CEP112: variants seen among roughly 807,000 people sequenced by gnomAD.
The protein encoded by CEP112 is centrosomal protein of 112 kDa.
CEP112 carries 127 observed loss-of-function variants against 153.0 expected under a neutral mutation model. The ratio of observed to expected loss-of-function variants is 0.83; its 90% CI spans 0.72 to 0.96. The LOEUF (loss-of-function observed/expected upper bound fraction) is 0.96, where lower values mean the gene tolerates loss of function less well. Among genes scored for constraint, CEP112 ranks in the 40% least tolerant of loss-of-function variants. The pLI is 0.00. For synonymous variants in CEP112, 358 were observed against 374.4 expected (o/e 0.96, Z 0.51); for missense variants, 1,089 against 1,101.2 (o/e 0.99, Z 0.16).
intron 12 of CEP112, among the ~76,000 whole-genome samples, chr17:66,047,463 C>T (rs2056235): frequency 1 from 152,338 of 152,388 alleles, 76,144 homozygotes; most frequent in Non-Finnish European, 1. Flanking sequence ...TGTAGAAGAA[C>T]GGACATTCAC....
At chr17:65,680,123 C>G (rs232106) in intron 24 of CEP112, among the ~76,000 whole-genome samples, 71,803 of 151,844 alleles carry the variant, frequency 0.47, 17,260 homozygotes, top group Middle Eastern at 0.56. Flanking sequence ...AAGGTGGGTG[C>G]CACGGGCAGG....
At chr17:65,866,416 T>TG (rs2058488156) in intron 20 of CEP112, among the ~76,000 whole-genome samples, 1 of 152,222 alleles carries the variant, frequency 6.6e-6, no homozygotes, top group South Asian at 2.1e-4. Flanking sequence ...ACAAACAGCC[T>TG]GGGCAACATG....
intron 6 of CEP112, among the ~76,000 whole-genome samples, chr17:66,120,294 G>C (rs1396191367): frequency 6.6e-6 from 1 of 152,044 alleles, no homozygotes; most frequent in Non-Finnish European, 1.5e-5. Flanking sequence ...TCCACCTCCT[G>C]GGTTCAAGCA....
chr17:65,820,189 C>T (rs1255559393), intron 21 of CEP112, among the ~76,000 whole-genome samples: 2 of 152,012 alleles, frequency 1.3e-5, no homozygotes, highest in African/African-American at 4.8e-5. Context: ...CCGATTTTTC[C>T]TAAGCTCATA....
chr17:66,123,893 T>C (rs2069717718), intron 6 of CEP112, among the ~76,000 whole-genome samples: 1 of 152,204 alleles, frequency 6.6e-6, no homozygotes, highest in Admixed American at 6.5e-5. Context: ...GAAAAATTAT[T>C]ATCTTAATCA....
chr17:65,894,578 T>A (rs1174413211), intron 20 of CEP112, among the ~76,000 whole-genome samples: 1 of 152,090 alleles, frequency 6.6e-6, no homozygotes, highest in Non-Finnish European at 1.5e-5. Flanking sequence ...TATGTAATAT[T>A]CCAAATTAGT....
intron 6 of CEP112, among the ~76,000 whole-genome samples, chr17:66,117,428 A>G (rs2069353231): frequency 6.6e-6 from 1 of 152,228 alleles, no homozygotes; most frequent in Admixed American, 6.5e-5. Context: ...AAAAAAAATA[A>G]AATGTTGCTC....
intron 23 of CEP112, among the ~76,000 whole-genome samples, chr17:65,738,177 T>G (rs2050913115): frequency 6.6e-6 from 1 of 152,170 alleles, no homozygotes; most frequent in South Asian, 2.1e-4. Context: ...ATGGCGCCAC[T>G]ATGGTAAAAG....
chr17:65,926,713 A>AAATAAT (rs369745977), intron 19 of CEP112, among the ~76,000 whole-genome samples: 1,507 of 150,426 alleles, frequency 0.01, 31 homozygotes, highest in African/African-American at 0.035. Flanking sequence ...ACTCCTTCTC[A>AAATAAT]AATAATAATA....
intron 17 of CEP112, among the ~76,000 whole-genome samples, chr17:65,970,611 G>A (rs2062696371): frequency 1.3e-5 from 2 of 151,692 alleles, no homozygotes; most frequent in Admixed American, 1.3e-4. Flanking sequence ...GTATATTGCA[G>A]GCATATGGAA....
chr17:65,767,539 G>GAAAT (rs56784365), intron 21 of CEP112, among the ~76,000 whole-genome samples: 72,075 of 150,750 alleles, frequency 0.48, 18,819 homozygotes, highest in East Asian at 0.78. Flanking sequence ...TATCAGAAAA[G>GAAAT]AAATAGAGAA....
chr17:65,951,750 C>CCCT lies in CEP112; in HGVS notation c.1872+9712_1872+9713insAGG, dbSNP rs1156897591. On this transcript the variant is annotated intron_variant, in intron 18 of 26. Coordinates refer to ENST00000535342, the MANE Select transcript of CEP112 (RefSeq NM_001199165.4). ...CTGCTCTAATCTTCCCCCGCCCCCC[C>CCCT]CTTTCTTCCACTTGCTTAGAAGCTT... Among the ~76,000 whole-genome samples the CCCT allele has an allele frequency of 1.6e-3, 104 of 65,050 alleles. 2 individuals carry two copies. Among genetic ancestry groups the CCCT allele is most frequent in the African/African-American group, 4.3e-3 (99 of 23,052 alleles). 42.7% of individuals were successfully genotyped at this position (65,050 alleles called of 152,430 possible).
chr17:65,938,416 A>T (rs1488372238), intron 18 of CEP112, among the ~76,000 whole-genome samples: 11 of 126,372 alleles, frequency 8.7e-5, no homozygotes, highest in East Asian at 5.6e-4. Flanking sequence ...ATGATCAATA[A>T]AAAAAAAAAA....
chr17:65,914,930 G>A (rs894019954), intron 19 of CEP112, among the ~76,000 whole-genome samples: 3 of 152,128 alleles, frequency 2.0e-5, no homozygotes, highest in African/African-American at 7.2e-5. Flanking sequence ...TCTTGTTGAG[G>A]TGGCTAAAGA....
intron 10 of CEP112, among the ~76,000 whole-genome samples, chr17:66,063,652 A>T (rs1038364747): frequency 5.9e-5 from 9 of 152,198 alleles, no homozygotes; most frequent in Non-Finnish European, 1.3e-4. Flanking sequence ...CTGAAATTTT[A>T]AAAATTTAAA....
At chr17:65,829,328 G>T (rs1833346) in intron 21 of CEP112, among the ~76,000 whole-genome samples, 147,272 of 152,182 alleles carry the variant, frequency 0.97, 71,363 homozygotes, top group East Asian at 1. Flanking sequence ...AGGCAAACCA[G>T]GCCCATAGAG....
intron 20 of CEP112, among the ~76,000 whole-genome samples, chr17:65,856,041 AAGG>A (rs1397630044): frequency 1.3e-5 from 2 of 152,176 alleles, no homozygotes; most frequent in African/African-American, 2.4e-5. Flanking sequence ...TGTGTGACAG[AAGG>A]AGATCTTATC....
chr17:66,040,863 T>G (rs990825693), intron 12 of CEP112, among the ~76,000 whole-genome samples: 1 of 152,202 alleles, frequency 6.6e-6, no homozygotes, highest in African/African-American at 2.4e-5. Context: ...TATTAGTATC[T>G]TTCTTTAAGG....
intron 23 of CEP112, among the ~76,000 whole-genome samples, chr17:65,693,360 C>T (rs1243375501): frequency 3.3e-5 from 5 of 152,058 alleles, no homozygotes; most frequent in Admixed American, 2.0e-4. Flanking sequence ...TAACTTTCTT[C>T]CTTTTTCCAC....
Sources: allele counts gnomAD v4.1 joint callset (sites outside exome capture counted in the v4.1 genomes callset), GRCh38; gene constraint gnomAD v4.1.1; transcripts MANE v1.5; gene names NCBI Gene and HGNC (gene_info 2026-07-23, HGNC 2026-07-21).